Variants in CBX5 observed in about 807,000 individuals in gnomAD.
CBX5 encodes the protein chromobox 5, also known as chromobox protein homolog 5.
Under a neutral mutation model 20.7 loss-of-function variants are expected in CBX5, and 7 were observed. That is an observed-to-expected ratio of 0.34 (90% CI 0.19 to 0.63). The LOEUF is 0.63. CBX5 is among the 30% of genes least tolerant of loss of function. The probability of loss-of-function intolerance (pLI) is 0.75; values close to 1 mark genes in which losing one functional copy is unlikely to be tolerated. For synonymous variants in CBX5, 78 were observed against 77.0 expected, an observed-to-expected ratio of 1.01 and a Z score of -0.07; for missense variants, 110 against 224.1, an observed-to-expected ratio of 0.49 and a Z score of 3.25.
At chr12:54,267,685 T>G (rs868402363) in intron 1 of CBX5, among the ~76,000 whole-genome samples, 94 of 151,928 alleles carry the variant, frequency 6.2e-4, no homozygotes, top group African/African-American at 1.7e-3. Flanking sequence ...CTAATTTTTT[T>G]TGTGTATTTT....
In CBX5 at chr12:54,234,973, G is replaced by T. The variant is rs541167622; in HGVS notation, c.*6782C>A. 2.0e-5 allele frequency: 3 copies of T among 152,134 alleles called. No individual in the cohort carries two copies. The highest frequency in any genetic ancestry group is 7.2e-5 in the African/African-American group (3 of 41,426). The allele number at this position is 152,134 out of a possible 1,614,324, so 9.4% of individuals were successfully genotyped here. On this transcript the variant is annotated 3_prime_UTR_variant, in exon 5 of 5. Coordinates refer to ENST00000209875, the MANE Select transcript of CBX5 (RefSeq NM_012117.3). ...TGACAAGTTGAAGTAACTCTAAAAA[G>T]ACAAGATGAGGTAGATTAAAATCCA...
chr12:54,251,383 G>A (rs1328236783), intron 3 of CBX5, among the ~76,000 whole-genome samples: 1 of 151,980 alleles, frequency 6.6e-6, no homozygotes, highest in Non-Finnish European at 1.5e-5. Context: ...GCTGGGCGTG[G>A]TGGCAGGCGC....
chr12:54,257,119 A>T (rs1943868851), intron 2 of CBX5, among the ~76,000 whole-genome samples: 1 of 152,104 alleles, frequency 6.6e-6, no homozygotes, highest in South Asian at 2.1e-4. Context: ...CAGCCTCCCA[A>T]AGTGCTGAGA....
chr12:54,246,882 T>C (rs973684050), intron 3 of CBX5, among the ~76,000 whole-genome samples: 75 of 152,156 alleles, frequency 4.9e-4, no homozygotes, highest in African/African-American at 1.7e-3. Context: ...CTCCTTAATA[T>C]TGTAAATAAG....
At chr12:54,260,669 T>C (rs1943907763) in intron 1 of CBX5, among the ~76,000 whole-genome samples, 2 of 152,164 alleles carry the variant, frequency 1.3e-5, no homozygotes, top group African/African-American at 2.4e-5. Flanking sequence ...TGATACATTA[T>C]TAATATACAA....
chr12:54,277,471 C>T (rs147641644), intron 1 of CBX5, among the ~76,000 whole-genome samples: 1 of 152,268 alleles, frequency 6.6e-6, no homozygotes, highest in Admixed American at 6.5e-5. Flanking sequence ...TCCCAAAGTG[C>T]TGGGATTACA....
chr12:54,251,510 C>T (rs985835477), intron 3 of CBX5, among the ~76,000 whole-genome samples: 1 of 114,322 alleles, frequency 8.7e-6, no homozygotes, highest in Non-Finnish European at 1.7e-5. Flanking sequence ...CAGCAAGACT[C>T]TGTCTCAAAA....
At chr12:54,251,907 AGCTCTTTT>A (rs1943808348) in intron 3 of CBX5, 126 bp downstream of exon 3, 5 of 691,746 alleles carry the variant, frequency 7.2e-6, no homozygotes, top group Non-Finnish European at 1.1e-5. Context: ...CCTCCCTGGA[AGCTCTTTT>A]GTTCAACAAT....
intron 1 of CBX5, among the ~76,000 whole-genome samples, chr12:54,265,552 G>C (rs1943948993): frequency 6.6e-6 from 1 of 152,212 alleles, no homozygotes; most frequent in East Asian, 1.9e-4. Context: ...TTCAAGAGGA[G>C]TTAAAAGCTT....
chr12:54,250,577 G>A (rs1296486183), intron 3 of CBX5, among the ~76,000 whole-genome samples: 4 of 150,322 alleles, frequency 2.7e-5, no homozygotes, highest in East Asian at 2.0e-4. Context: ...AGGCCGAGGC[G>A]GGTGGATCAT....
chr12:54,245,002 A>G (rs1202455790), intron 4 of CBX5, among the ~76,000 whole-genome samples: 2 of 150,782 alleles, frequency 1.3e-5, no homozygotes, highest in African/African-American at 4.9e-5. Context: ...TTTTATATAT[A>G]TATATTTATT....
Position 54,237,005 on chromosome 12 carries a change from T to C in CBX5, c.*4750A>G, listed in dbSNP as rs1056647644. ...GAGTTAAGAATAATAAATGCCTAAG[T>C]TACAGGGACAGAACCAATCTTTCAT... On this transcript the variant is annotated 3_prime_UTR_variant, in exon 5 of 5. Transcript: ENST00000209875. 6 of 152,230 alleles carry C rather than the reference T, an allele frequency of 3.9e-5. No homozygotes were observed. Among genetic ancestry groups the C allele is most frequent in the Non-Finnish European group, 7.3e-5 (5 of 68,066 alleles). The allele number at this position is 152,230 out of a possible 1,614,324, so 9.4% of individuals were successfully genotyped here.
At chr12:54,247,259 C>A (rs77601517) in intron 3 of CBX5, among the ~76,000 whole-genome samples, 57 of 42,522 alleles carry the variant, frequency 1.3e-3, no homozygotes, top group African/African-American at 3.9e-3. Context: ...AAAACAAAAA[C>A]AAAAAACTGG....
chr12:54,244,220 G>A (rs1943709499), intron 4 of CBX5, among the ~76,000 whole-genome samples: 1 of 150,218 alleles, frequency 6.7e-6, no homozygotes, highest in African/African-American at 2.4e-5. Flanking sequence ...TAGCCAGGAT[G>A]GTCTTGATCT....
At chr12:54,252,016 T>G (rs1052375201) in intron 3 of CBX5, 25 bp downstream of exon 3, 2 of 1,524,174 alleles carry the variant, frequency 1.3e-6, no homozygotes, top group Non-Finnish European at 1.8e-6. Flanking sequence ...GAATAGTTTT[T>G]GGGGAAAAGG....
In CBX5 at chr12:54,240,159, CT is replaced by C; in HGVS notation, c.*1595del. ...TCCTCAAAACCCTGCTATTTCCTTA[CT>C]TTTAATTGTGATTCTCTAGCCCTCC... On this transcript the variant is annotated 3_prime_UTR_variant, in exon 5 of 5. Coordinates refer to ENST00000209875, the MANE Select transcript of CBX5 (RefSeq NM_012117.3). 1 of 152,182 alleles carries C rather than the reference CT, an allele frequency of 6.6e-6. No homozygotes were observed. 9.4% of individuals were successfully genotyped at this position (152,182 alleles called of 1,614,324 possible).
At chr12:54,261,978 A>C (rs973378349) in intron 1 of CBX5, among the ~76,000 whole-genome samples, 2 of 152,224 alleles carry the variant, frequency 1.3e-5, no homozygotes, top group African/African-American at 4.8e-5. Flanking sequence ...CAAATTCCTA[A>C]GCTAGTAAAC....
intron 3 of CBX5, among the ~76,000 whole-genome samples, chr12:54,246,623 T>C (rs1300434447): frequency 6.6e-6 from 1 of 151,406 alleles, no homozygotes; most frequent in African/African-American, 2.4e-5. Context: ...CTACTAAAAA[T>C]ACAAAAAATT....
At chr12:54,254,068 A>G (rs1345299493) in intron 2 of CBX5, among the ~76,000 whole-genome samples, 1 of 152,088 alleles carries the variant, frequency 6.6e-6, no homozygotes, top group Non-Finnish European at 1.5e-5. Flanking sequence ...TACAATTTCA[A>G]TGGGTGAATG....
Sources: gnomAD v4.1 joint callset for allele counts (sites outside exome capture counted in the v4.1 genomes callset) on GRCh38, gnomAD v4.1.1 for gene constraint, MANE v1.5 for transcripts, NCBI Gene and HGNC (gene_info 2026-07-23, HGNC 2026-07-21) for gene names.